THSD7A: variants seen among roughly 807,000 people sequenced by gnomAD.
THSD7A encodes thrombospondin type 1 domain containing 7A, also known as thrombospondin type-1 domain-containing protein 7A.
THSD7A carries 96 observed loss-of-function variants against 231.3 expected under a neutral mutation model. The observed-to-expected ratio is 0.41, with a 90% CI of 0.35 to 0.49. The LOEUF (loss-of-function observed/expected upper bound fraction) is 0.49, where lower values mean the gene tolerates loss of function less well. THSD7A is among the 20% of genes least tolerant of loss of function. The pLI is 0.05. For missense variants in THSD7A, 2,290 were observed against 2,070.2 expected (o/e 1.11, Z -2.06); for synonymous variants, 940 against 743.3 (o/e 1.26, Z -4.30).
At chr7:11,383,463 G>T (rs1306187343) in intron 23 of THSD7A, among the ~76,000 whole-genome samples, 3 of 151,832 alleles carry the variant, frequency 2.0e-5, no homozygotes, top group Admixed American at 2.0e-4. Flanking sequence ...TATCTAGAAG[G>T]GAAATTTCTT....
At chr7:11,491,874 C>G (rs1428546737) in intron 6 of THSD7A, among the ~76,000 whole-genome samples, 1 of 152,052 alleles carries the variant, frequency 6.6e-6, no homozygotes, top group South Asian at 2.1e-4. Context: ...CCTTGCAACG[C>G]TCTTTTTGGG....
At chr7:11,745,476 T>C (rs1045196909) in intron 1 of THSD7A, among the ~76,000 whole-genome samples, 4 of 152,296 alleles carry the variant, frequency 2.6e-5, no homozygotes, top group Non-Finnish European at 5.9e-5. Flanking sequence ...ATTTTGGCTT[T>C]TGTTGCCCTT....
intron 1 of THSD7A, among the ~76,000 whole-genome samples, chr7:11,727,372 C>A (rs995895936): frequency 6.6e-6 from 1 of 151,866 alleles, no homozygotes; most frequent in African/African-American, 2.4e-5. Context: ...CTTCTTGATC[C>A]CTTTTACCCT....
At chr7:11,492,308 G>T (rs952136697) in intron 6 of THSD7A, among the ~76,000 whole-genome samples, 4 of 151,850 alleles carry the variant, frequency 2.6e-5, no homozygotes, top group African/African-American at 9.7e-5. Context: ...CTCTCTTTCT[G>T]TACTCCTACT....
At chr7:11,626,864 A>G (rs1781487075) in intron 2 of THSD7A, among the ~76,000 whole-genome samples, 1 of 152,152 alleles carries the variant, frequency 6.6e-6, no homozygotes, top group African/African-American at 2.4e-5. Context: ...TCAATGTTGT[A>G]TCCTAAATGG....
At position 11,621,129 on chromosome 7, in the gene THSD7A, T is replaced by C. The variant is rs921480705; in HGVS notation, c.1022+15001A>G. Reference sequence around the variant, plus strand: ...CAACACATTGCTTTGGTTGTTCAAATGCAGTTTCAGAAATCAAATTTGCAA... The same window carrying C: ...CAACACATTGCTTTGGTTGTTCAAACGCAGTTTCAGAAATCAAATTTGCAA... On this transcript the variant is annotated intron_variant, in intron 2 of 27. Transcript: ENST00000423059. Among the ~76,000 whole-genome samples, 8 of 152,340 alleles carry C rather than the reference T, an allele frequency of 5.3e-5. No individual in the cohort carries two copies. In the East Asian group the frequency reaches 1.2e-3, roughly 22 times the overall value.
intron 1 of THSD7A, among the ~76,000 whole-genome samples, chr7:11,656,142 G>C (rs1422937617): frequency 2.0e-5 from 3 of 151,838 alleles, no homozygotes; most frequent in Non-Finnish European, 4.4e-5. Flanking sequence ...CATTTAGGTT[G>C]CATTTGAAGA....
chr7:11,730,494 TTTAA>T, intron 1 of THSD7A, among the ~76,000 whole-genome samples: 1 of 151,832 alleles, frequency 6.6e-6, no homozygotes, highest in African/African-American at 2.4e-5. Flanking sequence ...TTATAATAAA[TTTAA>T]TTGTGATACA....
chr7:11,814,480 G>C lies in THSD7A; in HGVS notation c.190+17277C>G, dbSNP rs1466227965. On this transcript the variant is annotated intron_variant, in intron 1 of 27. Transcript: ENST00000423059. The surrounding 1 kb of genome is among the most constrained non-coding windows in gnomAD (Gnocchi z 5.1). ...CTATCAGGGTAGAAAATTACCTCAA[G>C]AAGAATGATCTTGAAAGCTCTGAAA... Among the ~76,000 whole-genome samples the C allele has an allele frequency of 6.6e-6, 1 of 152,144 alleles. No individual in the cohort carries two copies. Among genetic ancestry groups the C allele is most frequent in the Non-Finnish European group, 1.5e-5 (1 of 68,010 alleles).
intron 16 of THSD7A, among the ~76,000 whole-genome samples, chr7:11,420,616 CCA>C (rs1174259061): frequency 6.6e-6 from 1 of 152,170 alleles, no homozygotes; most frequent in Non-Finnish European, 1.5e-5. Context: ...TTGGGCCCCC[CCA>C]CACAGAGTCC....
chr7:11,731,128 T>C (rs889584102), intron 1 of THSD7A, among the ~76,000 whole-genome samples: 1 of 151,696 alleles, frequency 6.6e-6, no homozygotes, highest in Non-Finnish European at 1.5e-5. Context: ...CCTTAAATCC[T>C]ATAGTATTTA....
intron 14 of THSD7A, among the ~76,000 whole-genome samples, chr7:11,428,178 T>G (rs1784378123): frequency 6.6e-6 from 1 of 152,190 alleles, no homozygotes; most frequent in African/African-American, 2.4e-5. Context: ...GATTGTGATT[T>G]AAATTCAAAT....
chr7:11,541,320 T>A lies in THSD7A; in HGVS notation c.1822+99A>T, dbSNP rs146335996. 8.4e-3 allele frequency: 9,363 copies of A among 1,113,032 alleles called. 87 individuals carry two copies. The highest frequency in any genetic ancestry group is 0.055 in the Middle Eastern group (278 of 5,068). The allele number at this position is 1,113,032 out of a possible 1,614,324, so 68.9% of individuals were successfully genotyped here. ...GCTATTTCTACGTTTGTAAACAGAA[T>A]CAGTTATAATGCGAGAAGACACAGG... On this transcript the variant is annotated intron_variant, in intron 6 of 27. Coordinates refer to ENST00000423059, the MANE Select transcript of THSD7A (RefSeq NM_015204.3).
chr7:11,812,519 A>T (rs961738591), intron 1 of THSD7A, among the ~76,000 whole-genome samples: 1 of 152,182 alleles, frequency 6.6e-6, no homozygotes, highest in African/African-American at 2.4e-5. Flanking sequence ...AGAAAATGGT[A>T]AAATCTCAAG....
intron 1 of THSD7A, among the ~76,000 whole-genome samples, chr7:11,778,631 T>C (rs565449029): frequency 1.3e-5 from 2 of 152,236 alleles, no homozygotes; most frequent in Admixed American, 1.3e-4. Context: ...TAAAACACTT[T>C]TAGAAGTATT....
chr7:11,390,052 C>T (rs1026125767), intron 23 of THSD7A, among the ~76,000 whole-genome samples: 4 of 152,056 alleles, frequency 2.6e-5, no homozygotes, highest in East Asian at 1.9e-4. Context: ...AACATTTTTT[C>T]GTTCATTTCA....
chr7:11,383,991 T>A (rs1214683136), intron 23 of THSD7A: 1 of 152,014 alleles, frequency 6.6e-6, no homozygotes, highest in East Asian at 1.9e-4. Flanking sequence ...AGAATCCAGC[T>A]GTCTTAAGTT....
intron 1 of THSD7A, among the ~76,000 whole-genome samples, chr7:11,744,731 G>A (rs1440992661): frequency 6.6e-6 from 1 of 151,712 alleles, no homozygotes; most frequent in African/African-American, 2.4e-5. Context: ...TGAGAATGAT[G>A]GTTTCCAGCT....
intron 1 of THSD7A, among the ~76,000 whole-genome samples, chr7:11,736,513 A>T (rs1402768041): frequency 6.9e-6 from 1 of 145,630 alleles, no homozygotes; most frequent in African/African-American, 2.7e-5. Context: ...AAGACAGGTA[A>T]ACATGTTAAA....
Sources: allele counts gnomAD v4.1 joint callset (sites outside exome capture counted in the v4.1 genomes callset), GRCh38; gene constraint gnomAD v4.1.1; non-coding constraint Gnocchi (gnomAD v3.1); transcripts MANE v1.5; gene names NCBI Gene and HGNC (gene_info 2026-07-23, HGNC 2026-07-21).